TYW1: variants seen among roughly 807,000 people sequenced by gnomAD.
TYW1 encodes the protein S-adenosyl-L-methionine-dependent tRNA 4-demethylwyosine synthase TYW1.
TYW1 carries 46 observed loss-of-function variants against 96.2 expected under a neutral mutation model. The observed-to-expected ratio is 0.48, with a 90% CI of 0.38 to 0.61. TYW1 has a LOEUF of 0.61. Among genes scored for constraint, TYW1 ranks in the 20% least tolerant of loss-of-function variants. TYW1 has a pLI of 0.00. For synonymous variants in TYW1, 274 were observed against 323.0 expected (o/e 0.85, Z 1.63); for missense variants, 684 against 909.6 (o/e 0.75, Z 3.19).
chr7:67,039,960 C>T (rs531549359), intron 7 of TYW1, among the ~76,000 whole-genome samples: 1 of 146,264 alleles, frequency 6.8e-6, no homozygotes, highest in Non-Finnish European at 1.5e-5. Flanking sequence ...CATGCCTGGT[C>T]TATTTTTTTT....
chr7:67,026,898 T>A (rs1273619124), intron 7 of TYW1, among the ~76,000 whole-genome samples: 1 of 152,146 alleles, frequency 6.6e-6, no homozygotes, highest in Non-Finnish European at 1.5e-5. Context: ...AAAGGGACTC[T>A]AAAAATAAAT....
chr7:67,209,494 T>G (rs1271161008), intron 15 of TYW1, among the ~76,000 whole-genome samples: 1 of 152,188 alleles, frequency 6.6e-6, no homozygotes. Flanking sequence ...CAGTGGAAGC[T>G]GAGTGATAAG....
intron 10 of TYW1, among the ~76,000 whole-genome samples, chr7:67,073,064 G>T (rs1034721497): frequency 6.6e-6 from 1 of 150,568 alleles, no homozygotes; most frequent in African/African-American, 2.4e-5. Context: ...GATTATAGGC[G>T]TGGGCTACCA....
intron 7 of TYW1, among the ~76,000 whole-genome samples, chr7:67,030,786 T>C (rs1390609942): frequency 1.3e-5 from 2 of 151,944 alleles, no homozygotes; most frequent in Non-Finnish European, 2.9e-5. Context: ...CAGAGACTTA[T>C]GGACACCTGC....
Position 67,132,101 on chromosome 7 carries a change from A to G in TYW1, c.1698+14483A>G, listed in dbSNP as rs145296766. On this transcript the variant is annotated intron_variant, in intron 13 of 15. Coordinates refer to ENST00000359626, the MANE Select transcript of TYW1 (RefSeq NM_018264.4). ...GCAATACTTTGTATCCTTTAATACAATCAAGTTGACACTCAGTGTTAACCA... is the reference window on the plus strand; with the variant it reads ...GCAATACTTTGTATCCTTTAATACAGTCAAGTTGACACTCAGTGTTAACCA... Among the ~76,000 whole-genome samples, 422 of 150,950 alleles carry G rather than the reference A, an allele frequency of 2.8e-3. 1 individual carries two copies. Among genetic ancestry groups the G allele is most frequent in the African/African-American group, 9.7e-3 (394 of 40,756 alleles).
At chr7:67,002,037 C>CA (rs71526592) in intron 3 of TYW1, among the ~76,000 whole-genome samples, 48,099 of 130,928 alleles carry the variant, frequency 0.37, 7,893 homozygotes, top group African/African-American at 0.39. Context: ...CTGTCTCAAA[C>CA]AAAAAAAAAA....
At chr7:67,204,570 CCTTCTTCCTTCTTT>C (rs1563070156) in intron 15 of TYW1, among the ~76,000 whole-genome samples, 2 of 140,308 alleles carry the variant, frequency 1.4e-5, no homozygotes, top group South Asian at 2.2e-4. Context: ...CTTTCTTCTT[CCTTCTTCCTTCTTT>C]CTTCTTCTTC....
chr7:67,184,634 T>G (rs186329302), intron 14 of TYW1, among the ~76,000 whole-genome samples: 1 of 61,758 alleles, frequency 1.6e-5, no homozygotes, highest in South Asian at 5.3e-4. Context: ...TTTATTTTAT[T>G]TTATTTTATT....
chr7:67,217,790 G>A (rs1024296184), intron 15 of TYW1, among the ~76,000 whole-genome samples: 10 of 124,162 alleles, frequency 8.1e-5, no homozygotes, highest in African/African-American at 2.7e-4. Flanking sequence ...AAATGTTTTT[G>A]TTATTTTGAT....
At chr7:67,220,953 G>A (rs1479626070) in intron 15 of TYW1, among the ~76,000 whole-genome samples, 1 of 151,210 alleles carries the variant, frequency 6.6e-6, no homozygotes, top group East Asian at 2.0e-4. Context: ...TCTTGAACTC[G>A]GGACCTCAGG....
At chr7:67,128,980 C>T (rs112328994) in intron 13 of TYW1, among the ~76,000 whole-genome samples, 42,074 of 152,018 alleles carry the variant, frequency 0.28, 6,676 homozygotes, top group African/African-American at 0.44. Context: ...TGAGCCACCG[C>T]GCCCAGTCTA....
At chr7:67,204,958 A>G (rs1800733944) in intron 15 of TYW1, among the ~76,000 whole-genome samples, 1 of 152,170 alleles carries the variant, frequency 6.6e-6, no homozygotes, top group Admixed American at 6.5e-5. Flanking sequence ...TTAAAATCTT[A>G]ATCAGATAAT....
chr7:67,104,354 G>A (rs1272133532), intron 12 of TYW1, among the ~76,000 whole-genome samples: 1 of 152,150 alleles, frequency 6.6e-6, no homozygotes, highest in African/African-American at 2.4e-5. Flanking sequence ...AAGGCAAAGG[G>A]GAAAGCAGGC....
chr7:67,034,691 G>A (rs1477994212), intron 7 of TYW1, among the ~76,000 whole-genome samples: 5 of 152,072 alleles, frequency 3.3e-5, no homozygotes, highest in African/African-American at 1.2e-4. Flanking sequence ...TCAATGTAAG[G>A]TTCATTTTAA....
intron 7 of TYW1, among the ~76,000 whole-genome samples, chr7:67,043,422 G>A: frequency 6.7e-6 from 1 of 148,330 alleles, no homozygotes; most frequent in East Asian, 2.0e-4. Flanking sequence ...GCAATGTTCT[G>A]GCTAAGCAGA....
At chr7:67,036,001 G>T (rs1463234924) in intron 7 of TYW1, among the ~76,000 whole-genome samples, 1 of 149,556 alleles carries the variant, frequency 6.7e-6, no homozygotes, top group Non-Finnish European at 1.5e-5. Context: ...TAAGTCCAAG[G>T]CTCCCATTGT....
At chr7:67,152,733 C>T (rs1798842423) in intron 13 of TYW1, among the ~76,000 whole-genome samples, 1 of 152,136 alleles carries the variant, frequency 6.6e-6, no homozygotes, top group Non-Finnish European at 1.5e-5. Context: ...TCCCGAGTAG[C>T]TGGGACTACA....
At chr7:67,219,879 A>C (rs1469703461) in intron 15 of TYW1, among the ~76,000 whole-genome samples, 1 of 105,970 alleles carries the variant, frequency 9.4e-6, no homozygotes, top group African/African-American at 3.7e-5. Context: ...CTATTTTGTT[A>C]ATCTCTGCTC....
intron 12 of TYW1, among the ~76,000 whole-genome samples, chr7:67,114,646 A>G (rs1797533992): frequency 6.6e-6 from 1 of 152,196 alleles, no homozygotes; most frequent in Non-Finnish European, 1.5e-5. Flanking sequence ...AGGAATTATT[A>G]TGATGATTTT....
Sources: gnomAD v4.1 joint callset for allele counts (sites outside exome capture counted in the v4.1 genomes callset) on GRCh38, gnomAD v4.1.1 for gene constraint, MANE v1.5 for transcripts, NCBI Gene and HGNC (gene_info 2026-07-23, HGNC 2026-07-21) for gene names.